Variants in SLC30A9 observed in about 807,000 individuals in gnomAD.
SLC30A9 encodes the protein solute carrier family 30 member 9.
Under a neutral mutation model 87.5 loss-of-function variants are expected in SLC30A9, and 58 were observed. The observed-to-expected ratio is 0.66, with a 90% CI of 0.54 to 0.82. The LOEUF is 0.82. SLC30A9 is among the 40% of genes least tolerant of loss of function. The pLI is 0.00. For synonymous variants in SLC30A9, 234 were observed against 233.0 expected (o/e 1.00, Z -0.04); for missense variants, 557 against 679.1 (o/e 0.82, Z 2.00).
chr4:42,023,157 T>C lies in SLC30A9; in HGVS notation c.528-145T>C, dbSNP rs1716045368. The C allele has an allele frequency of 8.9e-6, 6 of 671,888 alleles. No homozygotes were observed. In the South Asian group the frequency reaches 1.3e-4, roughly 14 times the overall value. 41.6% of individuals were successfully genotyped at this position (671,888 alleles called of 1,614,324 possible). A position where few individuals can be genotyped will look rare whatever the true frequency, so the allele number is the denominator to read the frequency against. On this transcript the variant is annotated intron_variant, in intron 5 of 17. Coordinates refer to ENST00000264451, the MANE Select transcript of SLC30A9 (RefSeq NM_006345.4). Reference sequence around the variant, plus strand: ...TTTACTCTAGTTGTTTAGATTTCATTTGGAAAAGTTCCTAAGTCCTTTATG... The same window carrying C: ...TTTACTCTAGTTGTTTAGATTTCATCTGGAAAAGTTCCTAAGTCCTTTATG...
intron 1 of SLC30A9, among the ~76,000 whole-genome samples, chr4:41,997,436 G>GT (rs907682821): frequency 7.1e-4 from 105 of 148,504 alleles, no homozygotes; most frequent in South Asian, 3.8e-3. Flanking sequence ...ACATTCTTAG[G>GT]TTTTTTTTTT....
chr4:42,026,110 G>A (rs966622584), intron 6 of SLC30A9, among the ~76,000 whole-genome samples: 2 of 152,200 alleles, frequency 1.3e-5, no homozygotes, highest in East Asian at 3.8e-4. Flanking sequence ...GACTACAGGT[G>A]TGTGCCACCG....
At chr4:42,069,287 A>G (rs941309410) in intron 14 of SLC30A9, among the ~76,000 whole-genome samples, 1 of 152,218 alleles carries the variant, frequency 6.6e-6, no homozygotes, top group Non-Finnish European at 1.5e-5. Context: ...CATGAATTAA[A>G]TTTTTCTTAA....
At chr4:42,001,838 T>G in intron 2 of SLC30A9, 58 bp downstream of exon 2, 1 of 1,249,784 alleles carries the variant, frequency 8.0e-7, no homozygotes, top group East Asian at 2.6e-5. Flanking sequence ...TTGTGTAAAA[T>G]TATTTGTTCC....
At chr4:41,995,182 C>T (rs568307950) in intron 1 of SLC30A9, among the ~76,000 whole-genome samples, 2 of 152,268 alleles carry the variant, frequency 1.3e-5, no homozygotes, top group East Asian at 3.9e-4. Flanking sequence ...ATTGCTTGAA[C>T]CCAGGAGGCA....
intron 16 of SLC30A9, among the ~76,000 whole-genome samples, chr4:42,077,338 C>G (rs1330673156): frequency 6.6e-6 from 1 of 152,108 alleles, no homozygotes; most frequent in African/African-American, 2.4e-5. Flanking sequence ...ACATTGCTCC[C>G]TGATTTTTCA....
chr4:41,990,697 T>C lies in SLC30A9; in HGVS notation c.46T>C (p.Ser16Pro). 6.2e-7 allele frequency: 1 copy of C among 1,612,230 alleles called. No individual in the cohort carries two copies. Among genetic ancestry groups the C allele is most frequent in the Non-Finnish European group, 8.5e-7 (1 of 1,179,334 alleles). Residue 16 changes from serine to proline, a missense_variant, in exon 1 of 18, where the codon TCC becomes CCC. This residue lies in a region of SLC30A9 where 467 missense variants were observed against 529.8 expected (regional missense o/e 0.88). Coordinates refer to ENST00000264451, the MANE Select transcript of SLC30A9 (RefSeq NM_006345.4). ...AAAAAHRCSW[S>P]SLCRLRLRCR... ...CGCCGCGGCCCACAGATGTAGCTGG[T>C]CCTCCCTGTGCCGGCTCCGTCTGCG...
chr4:42,031,565 A>T (rs1716438236), intron 6 of SLC30A9, among the ~76,000 whole-genome samples: 1 of 152,224 alleles, frequency 6.6e-6, no homozygotes, highest in African/African-American at 2.4e-5. Flanking sequence ...AGCATTTGGC[A>T]GTACCTATCT....
chr4:42,065,092 G>A (rs954971964), intron 11 of SLC30A9, among the ~76,000 whole-genome samples: 3 of 152,124 alleles, frequency 2.0e-5, no homozygotes, highest in Non-Finnish European at 2.9e-5. Flanking sequence ...TTGAGTTTGG[G>A]TGTGGATCTT....
intron 6 of SLC30A9, chr4:42,029,620 C>T (rs11545846): frequency 7.0e-6 from 5 of 709,226 alleles, no homozygotes; most frequent in Admixed American, 4.3e-5. Context: ...ACCCAAAGAA[C>T]GAGGAGACTT....
intron 8 of SLC30A9, among the ~76,000 whole-genome samples, chr4:42,040,048 A>G (rs1024396849): frequency 3.9e-5 from 6 of 152,222 alleles, no homozygotes; most frequent in Non-Finnish European, 7.3e-5. Flanking sequence ...GGTGGTACAG[A>G]TAGACGTAGA....
chr4:42,007,846 C>CAA (rs1715280319), intron 2 of SLC30A9, among the ~76,000 whole-genome samples: 2 of 152,172 alleles, frequency 1.3e-5, no homozygotes, highest in South Asian at 2.1e-4. Context: ...TGGTAGTATT[C>CAA]TCCCTGGGAT....
At chr4:42,079,504 G>T (rs1452198250) in intron 17 of SLC30A9, among the ~76,000 whole-genome samples, 4 of 151,950 alleles carry the variant, frequency 2.6e-5, no homozygotes, top group African/African-American at 9.7e-5. Flanking sequence ...ATGTTGGCCA[G>T]GCTGGTCTCG....
intron 9 of SLC30A9, among the ~76,000 whole-genome samples, chr4:42,059,582 AAT>A (rs61655286): frequency 0.15 from 22,423 of 151,840 alleles, 1,873 homozygotes; most frequent in African/African-American, 0.22. Flanking sequence ...GCCCATACAC[AAT>A]ATATATATAT....
chr4:42,074,030 A>G (rs1223668040), intron 15 of SLC30A9, among the ~76,000 whole-genome samples: 2 of 152,274 alleles, frequency 1.3e-5, no homozygotes, highest in African/African-American at 2.4e-5. Context: ...ATGTGTTTAT[A>G]CTCTGTGAAG....
At chr4:42,066,339 T>C (rs1487565033) in intron 12 of SLC30A9, among the ~76,000 whole-genome samples, 1 of 152,202 alleles carries the variant, frequency 6.6e-6, no homozygotes, top group African/African-American at 2.4e-5. Context: ...CTGTTGTTAT[T>C]AGTAATTATA....
At chr4:42,062,865 C>T in intron 10 of SLC30A9, 121 bp from the exon 11 acceptor site, 2 of 849,612 alleles carry the variant, frequency 2.4e-6, no homozygotes, top group Admixed American at 2.9e-5. Flanking sequence ...TAACATCTTA[C>T]TTAAATATAA....
At chr4:42,061,961 G>A (rs1717872261) in intron 10 of SLC30A9, among the ~76,000 whole-genome samples, 1 of 151,696 alleles carries the variant, frequency 6.6e-6, no homozygotes, top group Non-Finnish European at 1.5e-5. Flanking sequence ...TTGGGAGGCC[G>A]AGGAAGGCAG....
At chr4:42,004,291 G>A (rs1223146766) in intron 2 of SLC30A9, among the ~76,000 whole-genome samples, 1 of 152,064 alleles carries the variant, frequency 6.6e-6, no homozygotes, top group Non-Finnish European at 1.5e-5. Context: ...GAAGTAACTA[G>A]GTATGTATTT....
Sources: allele counts gnomAD v4.1 joint callset (sites outside exome capture counted in the v4.1 genomes callset), GRCh38; gene constraint gnomAD v4.1.1; regional missense constraint gnomAD v4.1.1; transcripts MANE v1.5; gene names NCBI Gene and HGNC (gene_info 2026-07-23, HGNC 2026-07-21).